Variants in UXS1 observed in about 807,000 individuals in gnomAD.
UXS1 encodes the protein UDP-glucuronate decarboxylase 1.
In UXS1, 33 loss-of-function variants were observed where a neutral mutation model predicts 62.6. The ratio of observed to expected loss-of-function variants is 0.53; its 90% CI spans 0.40 to 0.70. The LOEUF is 0.70. Ranked by LOEUF, UXS1 falls within the 30% of genes least tolerant of loss-of-function variation. The pLI, the probability that UXS1 is intolerant of heterozygous loss-of-function variation, is 0.00. For synonymous variants in UXS1, 213 were observed against 206.8 expected (o/e 1.03, Z -0.26); for missense variants, 434 against 556.3 (o/e 0.78, Z 2.21).
In UXS1 at chr2:106,112,736, G is replaced by A; in HGVS notation, c.789C>T (p.Ile263=). The A allele has an allele frequency of 1.9e-6, 3 of 1,614,024 alleles. No individual in the cohort carries two copies. Among genetic ancestry groups the A allele is most frequent in the Non-Finnish European group, 2.5e-6 (3 of 1,179,904 alleles). The change falls in exon 10 of 15, where the codon ATC becomes ATT. Residue 263 remains isoleucine, a synonymous_variant. Coordinates refer to ENST00000283148, the MANE Select transcript of UXS1 (RefSeq NM_001253875.2). ...GCATGCGTGGCCCAAAGGTGTTGAA[G>A]ATTCTGGCCACTCGCACTTCCACGC... ...QEGVEVRVAR[I]FNTFGPRMHM... is the part of the protein sequence containing the mutation.
chr2:106,145,605 G>A (rs1681496929), intron 5 of UXS1: 1 of 398,686 alleles, frequency 2.5e-6, no homozygotes, highest in African/African-American at 2.1e-5. Context: ...ACCAGTCTTG[G>A]AAGAATACAG....
rs1270194383 is a variant in UXS1, at chr2:106,164,745, C to T, written c.177G>A (p.Lys59=). The change falls in exon 3 of 15, where the codon AAG becomes AAA. Residue 59 remains lysine, a synonymous_variant. Coordinates refer to ENST00000283148, the MANE Select transcript of UXS1 (RefSeq NM_001253875.2). Reference sequence around the variant, plus strand: ...TAGAAAAAAGACTAACCTCTTCAATCTTGCTTTCAATTTTTAGTTCACCAT... The same window carrying T: ...TAGAAAAAAGACTAACCTCTTCAATTTTGCTTTCAATTTTTAGTTCACCAT... ...QENGELKIES[K]IEEMVEPLRE... 6.3e-7 allele frequency: 1 copy of T among 1,583,274 alleles called. No homozygotes were observed. The highest frequency in any genetic ancestry group is 8.6e-7 in the Non-Finnish European group (1 of 1,163,446).
At chr2:106,139,203 G>T (rs1404084348) in intron 6 of UXS1, among the ~76,000 whole-genome samples, 4 of 152,118 alleles carry the variant, frequency 2.6e-5, no homozygotes, top group Non-Finnish European at 4.4e-5. Context: ...ATTCATGGGT[G>T]CCCACAGTTG....
chr2:106,138,673 A>G, intron 6 of UXS1: 1 of 985,342 alleles, frequency 1.0e-6, no homozygotes, highest in Non-Finnish European at 1.2e-6. Flanking sequence ...TTTCTTCCTC[A>G]CTGGACAGGT....
chr2:106,183,245 A>ATTT (rs1558759327), intron 1 of UXS1, among the ~76,000 whole-genome samples: 5 of 151,174 alleles, frequency 3.3e-5, no homozygotes, highest in South Asian at 2.1e-4. Flanking sequence ...TTTTTTAAAA[A>ATTT]AAAAAAAAAA....
chr2:106,148,815 A>C (rs1396758559), intron 5 of UXS1, among the ~76,000 whole-genome samples: 1 of 152,240 alleles, frequency 6.6e-6, no homozygotes, highest in Non-Finnish European at 1.5e-5. Context: ...TCTTTGAATA[A>C]CAAGGAGCTA....
chr2:106,164,780 T>C lies in UXS1; in HGVS notation c.142A>G (p.Ile48Val), dbSNP rs1260953054. Residue 48 changes from isoleucine to valine, a missense_variant, in exon 3 of 15, where the codon ATC becomes GTC. Coordinates refer to ENST00000283148, the MANE Select transcript of UXS1 (RefSeq NM_001253875.2). The part of the protein sequence containing the change: ...VNMSFLLNRS[I>V]QENGELKIES... ...ATTTTTAGTTCACCATTTTCCTGGA[T>C]AGACCTGTTGAGTAGAAAGCTATAA... 6.9e-6 allele frequency: 11 copies of C among 1,591,658 alleles called. No homozygotes were observed. Among genetic ancestry groups the C allele is most frequent in the African/African-American group, 2.7e-5 (2 of 74,672 alleles).
At chr2:106,156,721 G>A (rs1465143715) in intron 5 of UXS1, among the ~76,000 whole-genome samples, 1 of 152,094 alleles carries the variant, frequency 6.6e-6, no homozygotes, top group African/African-American at 2.4e-5. Context: ...ATGTAAAAAT[G>A]TTATACTGTA....
At chr2:106,154,611 A>G (rs1358153309) in intron 5 of UXS1, among the ~76,000 whole-genome samples, 1 of 152,194 alleles carries the variant, frequency 6.6e-6, no homozygotes, top group Non-Finnish European at 1.5e-5. Context: ...GGGCATAGGC[A>G]TGGCCCTGCT....
rs1305005086 is a variant in UXS1, at chr2:106,194,220, G to T, written c.22C>A (p.Arg8Ser). MVSKALL[R>S]LVSAVNRRRM... ...CTGCGGTTGACGGCAGACACGAGGC[G>T]CAGCAGCGCCTTGCTCACCATCCCC... Residue 8 changes from arginine to serine, a missense_variant, in exon 1 of 15, where the codon CGC becomes AGC. This residue lies in a region of UXS1 where 91 missense variants were observed against 71.1 expected (regional missense o/e 1.28). Transcript: ENST00000283148. The T allele has an allele frequency of 8.2e-6, 12 of 1,460,260 alleles. No individual in the cohort carries two copies. In the East Asian group the frequency reaches 3.7e-4, roughly 46 times the overall value. The allele number at this position is 1,460,260 out of a possible 1,614,324, so 90.5% of individuals were successfully genotyped here. A position where few individuals can be genotyped will look rare whatever the true frequency, so the allele number is the denominator to read the frequency against.
chr2:106,171,783 A>G (rs1282813633), intron 1 of UXS1, among the ~76,000 whole-genome samples: 1 of 152,250 alleles, frequency 6.6e-6, no homozygotes, highest in African/African-American at 2.4e-5. Context: ...TTTCTCAGTC[A>G]TTCCGATCAC....
At chr2:106,182,493 T>TC (rs1480589452) in intron 1 of UXS1, among the ~76,000 whole-genome samples, 1 of 152,246 alleles carries the variant, frequency 6.6e-6, no homozygotes, top group Non-Finnish European at 1.5e-5. Flanking sequence ...TTTGTAATTT[T>TC]CAAATGGGAG....
At chr2:106,098,240 T>C (rs549279433) in intron 13 of UXS1, among the ~76,000 whole-genome samples, 58 of 152,338 alleles carry the variant, frequency 3.8e-4, no homozygotes, top group African/African-American at 1.4e-3. Context: ...GACCTTCTCA[T>C]GGCCTAAGAG....
chr2:106,194,106 G>T, intron 1 of UXS1, 42 bp downstream of exon 1: 3 of 1,420,512 alleles, frequency 2.1e-6, no homozygotes, highest in Non-Finnish European at 2.8e-6. Flanking sequence ...CGGCGCCGGG[G>T]AATGAATGGG....
chr2:106,188,589 C>T (rs1684726554), intron 1 of UXS1, among the ~76,000 whole-genome samples: 1 of 152,252 alleles, frequency 6.6e-6, no homozygotes, highest in Non-Finnish European at 1.5e-5. Context: ...TAGGCTACAG[C>T]CCTCGCTCAC....
At chr2:106,163,495 T>C (rs1321950095) in intron 4 of UXS1, among the ~76,000 whole-genome samples, 172 bp downstream of exon 4, 1 of 152,224 alleles carries the variant, frequency 6.6e-6, no homozygotes, top group Non-Finnish European at 1.5e-5. Flanking sequence ...TTAACACATC[T>C]AGATTGATTC....
chr2:106,183,297 T>C (rs940101952), intron 1 of UXS1: 17 of 150,248 alleles, frequency 1.1e-4, no homozygotes, highest in Admixed American at 8.6e-4. Context: ...AACCAAATTC[T>C]AACTTAGAAC....
chr2:106,127,676 G>A (rs961485499), intron 7 of UXS1, among the ~76,000 whole-genome samples: 3 of 152,186 alleles, frequency 2.0e-5, no homozygotes, highest in African/African-American at 7.2e-5. Context: ...GCCAGGCAAA[G>A]TTCATGGCAT....
At chr2:106,095,181 A>C (rs1206887677) in intron 14 of UXS1, among the ~76,000 whole-genome samples, 2 of 152,224 alleles carry the variant, frequency 1.3e-5, no homozygotes, top group East Asian at 3.8e-4. Context: ...AATAGTTAAT[A>C]CATAGTGAAT....
Sources: gnomAD v4.1 joint callset for allele counts (sites outside exome capture counted in the v4.1 genomes callset) on GRCh38, gnomAD v4.1.1 for gene constraint, gnomAD v4.1.1 regional missense constraint, MANE v1.5 for transcripts, NCBI Gene and HGNC (gene_info 2026-07-23, HGNC 2026-07-21) for gene names.